Variants in C16orf96 observed in about 807,000 individuals in gnomAD.
C16orf96 encodes the protein chromosome 16 open reading frame 96, also known as uncharacterized protein C16orf96.
C16orf96 carries 108 observed loss-of-function variants against 103.6 expected under a neutral mutation model. That is an observed-to-expected ratio of 1.04 (90% CI 0.89 to 1.22). The LOEUF (loss-of-function observed/expected upper bound fraction) is 1.22, where lower values mean the gene tolerates loss of function less well. C16orf96 is among the 50% of genes most tolerant of loss of function. The pLI, the probability that C16orf96 is intolerant of heterozygous loss-of-function variation, is 0.00. For synonymous variants in C16orf96, 566 were observed against 593.5 expected, an observed-to-expected ratio of 0.95 and a Z score of 0.67; for missense variants, 1,586 against 1,464.2, an observed-to-expected ratio of 1.08 and a Z score of -1.36.
At chr16:4,546,578 C>T in the C16orf96 span, among the ~76,000 whole-genome samples, 2 of 151,118 alleles carry the variant, frequency 1.3e-5, no homozygotes, top group Admixed American at 1.3e-4. Flanking sequence ...GATCCTCTTG[C>T]CTCAGCCTCC....
intron 1 of C16orf96, among the ~76,000 whole-genome samples, chr16:4,568,654 A>T (rs1391282077): frequency 7.5e-6 from 1 of 132,892 alleles, no homozygotes; most frequent in African/African-American, 2.8e-5. Flanking sequence ...TTTGAGACAG[A>T]GTCTCACTCT....
the C16orf96 span, chr16:4,538,895 G>C: frequency 6.6e-6 from 1 of 152,320 alleles, no homozygotes. Flanking sequence ...AGGCGATTTG[G>C]CCTAGAGCTG....
intron 2 of C16orf96, among the ~76,000 whole-genome samples, chr16:4,574,411 G>A (rs774489527): frequency 4.6e-5 from 7 of 151,924 alleles, no homozygotes; most frequent in South Asian, 2.1e-4. Flanking sequence ...TAGTAGAGAC[G>A]GTGTTTCACC....
At chr16:4,595,656 G>A (rs544933670) in intron 14 of C16orf96, among the ~76,000 whole-genome samples, 22 of 152,048 alleles carry the variant, frequency 1.4e-4, no homozygotes, top group Non-Finnish European at 2.4e-4. Context: ...CAAGATGGCC[G>A]GGGCCTGAAC....
rs1161640861 is a variant in C16orf96, at chr16:4,576,100, G to A, written c.1620G>A (p.Lys540=). The part of the protein sequence containing the change: ...KDRGGKDGDP[K]DRVGKDGAPK... Reference sequence around the variant, plus strand: ...GAGGTGGCAAAGATGGGGACCCCAAGGATAGAGTTGGCAAGGATGGGGCCC... The same window carrying A: ...GAGGTGGCAAAGATGGGGACCCCAAAGATAGAGTTGGCAAGGATGGGGCCC... Residue 540 remains lysine, a synonymous_variant, in exon 5 of 16, where the codon AAG becomes AAA. Transcript: ENST00000444310. 1.9e-6 allele frequency: 3 copies of A among 1,551,488 alleles called. No individual in the cohort carries two copies. The highest frequency in any genetic ancestry group is 2.4e-5 in the East Asian group (1 of 40,916).
chr16:4,597,586 C>T (rs949859334), intron 14 of C16orf96, among the ~76,000 whole-genome samples: 1 of 150,540 alleles, frequency 6.6e-6, no homozygotes, highest in Non-Finnish European at 1.5e-5. Context: ...GACGGAGTTT[C>T]GCTCTTGTTG....
At chr16:4,571,717 G>T (rs1222257404) in intron 2 of C16orf96, 52 bp downstream of exon 2, 1 of 1,368,272 alleles carries the variant, frequency 7.3e-7, no homozygotes, top group South Asian at 1.3e-5. Context: ...CAGGCCTCTG[G>T]GGGTTGGAGC....
chr16:4,573,488 C>T (rs1419717152), intron 2 of C16orf96, among the ~76,000 whole-genome samples: 1 of 142,616 alleles, frequency 7.0e-6, no homozygotes, highest in Non-Finnish European at 1.5e-5. Context: ...CATGGTGGTT[C>T]ACGCCTGTAA....
chr16:4,549,387 G>A, the C16orf96 span, among the ~76,000 whole-genome samples: 23 of 150,392 alleles, frequency 1.5e-4, no homozygotes, highest in Non-Finnish European at 3.0e-5. Flanking sequence ...GCAGGAGAAT[G>A]GCGTGAACCT....
intron 8 of C16orf96, 55 bp from the exon 9 acceptor site, chr16:4,588,112 C>G (rs1896970918): frequency 2.0e-6 from 3 of 1,520,432 alleles, no homozygotes; most frequent in Non-Finnish European, 1.8e-6. Context: ...TGTCTCCCAG[C>G]TTTGCCTTCC....
Position 4,561,690 on chromosome 16 carries a change from T to C in C16orf96, c.420+4781T>C, listed in dbSNP as rs557169916. ...AGAATCTTGCCTTGTCCCAGCCTGA[T>C]TGAAGTTGCCCGAGGTTCCCACAAT... On this transcript the variant is annotated intron_variant, in intron 1 of 15. Transcript: ENST00000444310. 3 of 152,450 alleles carry C rather than the reference T, an allele frequency of 2.0e-5. No homozygotes were observed. In the South Asian group the frequency reaches 6.2e-4, roughly 31 times the overall value. 9.4% of individuals were successfully genotyped at this position (152,450 alleles called of 1,614,324 possible).
chr16:4,592,475 A>G, intron 11 of C16orf96, 108 bp downstream of exon 11: 1 of 1,236,840 alleles, frequency 8.1e-7, no homozygotes, highest in African/African-American at 1.5e-5. Context: ...GTGTGTCTAC[A>G]CATCCATATA....
At chr16:4,552,481 C>CAAAAAAAAAAAAAAA (rs58618088), upstream of C16orf96, among the ~76,000 whole-genome samples, 3 of 67,866 alleles carry the variant, frequency 4.4e-5, no homozygotes, top group South Asian at 6.7e-4. Context: ...GACTCTGTCT[C>CAAAAAAAAAAAAAAA]AAAAAAAAAA....
chr16:4,568,278 T>C (rs1349431556), intron 1 of C16orf96, among the ~76,000 whole-genome samples: 1 of 152,188 alleles, frequency 6.6e-6, no homozygotes, highest in Non-Finnish European at 1.5e-5. Flanking sequence ...CTTTTGAAAT[T>C]TGTTAAGGCT....
Position 4,556,633 on chromosome 16 carries a change from C to A in C16orf96, c.144C>A (p.Gly48=). ...HMAELKKVLS[G]DEDFLQTSQV... ...CCGAGCTCAAGAAAGTCCTCTCAGG[C>A]GATGAGGACTTCCTGCAGACCTCGC... Residue 48 remains glycine, a synonymous_variant, in exon 1 of 16, where the codon GGC becomes GGA. Coordinates refer to ENST00000444310, the MANE Select transcript of C16orf96 (RefSeq NM_001145011.2). 6.4e-7 allele frequency: 1 copy of A among 1,551,706 alleles called. No individual in the cohort carries two copies. The highest frequency in any genetic ancestry group is 8.7e-7 in the Non-Finnish European group (1 of 1,146,990).
the C16orf96 span, among the ~76,000 whole-genome samples, chr16:4,546,650 G>A: frequency 6.6e-6 from 1 of 151,882 alleles, no homozygotes; most frequent in Non-Finnish European, 1.5e-5. Context: ...TATTTTTGTA[G>A]AGACAGGGTC....
At chr16:4,599,451 C>G (rs568694945) in intron 15 of C16orf96, 87 bp downstream of exon 15, 1 of 1,179,712 alleles carries the variant, frequency 8.5e-7, no homozygotes, top group Non-Finnish European at 1.2e-6. Context: ...CCCCACACCC[C>G]GCCTGGGCTC....
the C16orf96 span, among the ~76,000 whole-genome samples, chr16:4,545,317 C>T: frequency 6.6e-6 from 1 of 152,186 alleles, no homozygotes. Context: ...AGTGATCCTC[C>T]TGTCTCAGCC....
chr16:4,547,259 C>T, the C16orf96 span, among the ~76,000 whole-genome samples: 1 of 152,328 alleles, frequency 6.6e-6, no homozygotes, highest in African/African-American at 2.4e-5. Context: ...CTCAGCCTCC[C>T]AAGTAGCTGG....
Sources: allele counts gnomAD v4.1 joint callset (sites outside exome capture counted in the v4.1 genomes callset), GRCh38; gene constraint gnomAD v4.1.1; transcripts MANE v1.5; gene names NCBI Gene and HGNC (gene_info 2026-07-23, HGNC 2026-07-21).